The following GSN variants were observed in gnomAD, a reference collection of about 807,000 sequenced individuals.
The protein encoded by GSN is gelsolin, also known as actin-depolymerizing factor.
In GSN, 56 loss-of-function variants were observed where a neutral mutation model predicts 85.7. That is an observed-to-expected ratio of 0.65 (90% CI 0.53 to 0.82). The LOEUF is 0.82. Among genes scored for constraint, GSN ranks in the 40% least tolerant of loss-of-function variants. The pLI is 0.00. For missense variants in GSN, 857 were observed against 979.8 expected (o/e 0.87, Z 1.67); for synonymous variants, 373 against 399.1 (o/e 0.93, Z 0.78).
intron 1 of GSN, among the ~76,000 whole-genome samples, chr9:121,274,976 A>G (rs2056489138): frequency 6.6e-6 from 1 of 152,242 alleles, no homozygotes; most frequent in Non-Finnish European, 1.5e-5. Context: ...GTGTCATGCT[A>G]AATTTTGCCA....
In GSN at chr9:121,299,711, A is replaced by T. The variant is rs1042627858; in HGVS notation, c.-9-2252A>T. The stretch of plus-strand genomic sequence containing the variant: ...CCCTGTCGGGTCGATCCGGGTGGGA[A>T]CCCAGATGTCTCCAAGATCCGAGAC... On this transcript the variant is annotated intron_variant, in intron 2 of 17. Coordinates refer to ENST00000432226, the MANE Select transcript of GSN (RefSeq NM_198252.3). This position sits in a 1 kb window ranked among gnomAD's most constrained non-coding sequence, Gnocchi z 4.2. 1 of 954,576 alleles carries T rather than the reference A, an allele frequency of 1.0e-6. No homozygotes were observed. Among genetic ancestry groups the T allele is most frequent in the African/African-American group, 1.7e-5 (1 of 57,512 alleles). The allele number at this position is 954,576 out of a possible 1,614,324, so 59.1% of individuals were successfully genotyped here. A position where few individuals can be genotyped will look rare whatever the true frequency, so the allele number is the denominator to read the frequency against.
intron 2 of GSN, among the ~76,000 whole-genome samples, chr9:121,288,553 G>A (rs1050820150): frequency 3.3e-5 from 5 of 152,156 alleles, no homozygotes; most frequent in African/African-American, 1.2e-4. Context: ...TTTAATCCTC[G>A]GTGAATGTGA....
chr9:121,213,196 C>A (rs2053998780), intron 4 of GSN, among the ~76,000 whole-genome samples: 1 of 152,174 alleles, frequency 6.6e-6, no homozygotes, highest in Non-Finnish European at 1.5e-5. Flanking sequence ...TTAGTCTCAT[C>A]AATAAATAAA....
intron 4 of GSN, chr9:121,310,391 A>G: frequency 4.5e-6 from 2 of 444,378 alleles, no homozygotes; most frequent in East Asian, 4.7e-5. Context: ...TTAGTGGAGT[A>G]TGGGATTCAA....
chr9:121,279,020 G>A (rs113174230), intron 1 of GSN, among the ~76,000 whole-genome samples: 24 of 152,354 alleles, frequency 1.6e-4, no homozygotes, highest in African/African-American at 3.8e-4. Context: ...CTTGAGCTGC[G>A]GTGGTCCCAG....
At chr9:121,282,754 G>A (rs2057544372) in intron 2 of GSN, 1 of 407,758 alleles carries the variant, frequency 2.5e-6, no homozygotes, top group Middle Eastern at 6.4e-4. Context: ...TTGAGACTGA[G>A]CCCTGATAAC....
At chr9:121,262,546 G>A (rs2055109492) in intron 6 of GSN, among the ~76,000 whole-genome samples, 1 of 152,200 alleles carries the variant, frequency 6.6e-6, no homozygotes, top group Admixed American at 6.5e-5. Flanking sequence ...AGAACCTCCA[G>A]GCAGTTTTGC....
chr9:121,239,664 C>T (rs193034537), intron 5 of GSN: 4 of 294,356 alleles, frequency 1.4e-5, no homozygotes, highest in East Asian at 1.9e-4. Context: ...GGTTGGCCAT[C>T]GCATGATATC....
chr9:121,250,655 AG>A (rs1473538247), intron 6 of GSN, among the ~76,000 whole-genome samples: 1 of 151,168 alleles, frequency 6.6e-6, no homozygotes, highest in African/African-American at 2.4e-5. Context: ...CTCCTACCTT[AG>A]GCTCCCAAGT....
intron 6 of GSN, among the ~76,000 whole-genome samples, chr9:121,251,367 T>G (rs1411300400): frequency 1.3e-5 from 2 of 151,294 alleles, no homozygotes; most frequent in Non-Finnish European, 2.9e-5. Flanking sequence ...TTTTAATTTT[T>G]TTTATTTTTA....
Position 121,281,416 on chromosome 9 carries a change from C to T in GSN, c.-102-54C>T, listed in dbSNP as rs1054173942. ...GTTGAAACATCAAATGGGGATTTGACCAGATGACCTTGAACTCCCCCTGAG... is the reference window on the plus strand; with the variant it reads ...GTTGAAACATCAAATGGGGATTTGATCAGATGACCTTGAACTCCCCCTGAG... On this transcript the variant is annotated intron_variant, in intron 1 of 17. Coordinates refer to ENST00000432226, the MANE Select transcript of GSN (RefSeq NM_198252.3). 12 of 367,242 alleles carry T rather than the reference C, an allele frequency of 3.3e-5. No homozygotes were observed. The Admixed American group carries it at 4.6e-4, about 14-fold the overall frequency. 22.7% of individuals were successfully genotyped at this position (367,242 alleles called of 1,614,324 possible). A position where few individuals can be genotyped will look rare whatever the true frequency, so the allele number is the denominator to read the frequency against.
intron 4 of GSN, among the ~76,000 whole-genome samples, chr9:121,230,254 G>T (rs992379527): frequency 1.3e-5 from 2 of 152,166 alleles, no homozygotes; most frequent in Non-Finnish European, 2.9e-5. Flanking sequence ...AGGAGGCTCA[G>T]AGAGAGAAAA....
At chr9:121,281,231 G>T (rs2057327073) in intron 1 of GSN, 1 of 229,944 alleles carries the variant, frequency 4.3e-6, no homozygotes, top group Non-Finnish European at 8.8e-6. Flanking sequence ...CAGGTACAAG[G>T]CATAAGAAGA....
At chr9:121,291,739 A>G (rs568078695) in intron 2 of GSN, among the ~76,000 whole-genome samples, 1 of 151,950 alleles carries the variant, frequency 6.6e-6, no homozygotes, top group East Asian at 1.9e-4. Flanking sequence ...CTTTTTCTCT[A>G]ACTGATTTGT....
chr9:121,332,302 G>C lies in GSN; in HGVS notation c.2027-132G>C, dbSNP rs776391390. The C allele has an allele frequency of 1.3e-4, 113 of 847,260 alleles. 1 individual carries two copies. The highest frequency in any genetic ancestry group is 2.1e-4 in the Non-Finnish European group (101 of 490,024). 52.5% of individuals were successfully genotyped at this position (847,260 alleles called of 1,614,324 possible). ...TTAAAGGAGGATGGTGCCCAGGGCA[G>C]GGGGTGGGCAGTAGGGACAGTAGGA... On this transcript the variant is annotated intron_variant, in intron 17 of 17. Coordinates refer to ENST00000432226, the MANE Select transcript of GSN (RefSeq NM_198252.3). The surrounding 1 kb of genome is among the most constrained non-coding windows in gnomAD (Gnocchi z 4.8).
the GSN span, among the ~76,000 whole-genome samples, chr9:121,202,590 C>T: frequency 6.6e-6 from 1 of 152,210 alleles, no homozygotes; most frequent in South Asian, 2.1e-4. Flanking sequence ...ATAATCACTG[C>T]CCCAGAAGGT....
At chr9:121,320,451 C>T in intron 10 of GSN, among the ~76,000 whole-genome samples, 1 of 152,150 alleles carries the variant, frequency 6.6e-6, no homozygotes, top group East Asian at 1.9e-4. Context: ...TCGAGACCAG[C>T]CTGGCCAACA....
chr9:121,283,687 A>G (rs937269349), intron 2 of GSN: 4 of 66,706 alleles, frequency 6.0e-5, no homozygotes, highest in African/African-American at 8.7e-5. Flanking sequence ...TCATTCATTC[A>G]TTCATTCATT....
chr9:121,224,356 C>T (rs559127229), intron 4 of GSN, among the ~76,000 whole-genome samples: 2 of 152,286 alleles, frequency 1.3e-5, no homozygotes, highest in South Asian at 4.1e-4. Flanking sequence ...GCCTCGGCCT[C>T]CCAAAGTGCT....
Sources: allele counts gnomAD v4.1 joint callset (sites outside exome capture counted in the v4.1 genomes callset), GRCh38; gene constraint gnomAD v4.1.1; non-coding constraint Gnocchi (gnomAD v3.1); transcripts MANE v1.5; gene names NCBI Gene and HGNC (gene_info 2026-07-23, HGNC 2026-07-21).